The following NPFFR2 variants were observed in gnomAD, a reference collection of about 807,000 sequenced individuals.
NPFFR2 encodes G-protein coupled receptor 74.
A neutral mutation model predicts 13.1 loss-of-function variants in NPFFR2; 15 were observed. The ratio of observed to expected loss-of-function variants is 1.15; its 90% CI spans 0.77 to 1.76. The LOEUF (loss-of-function observed/expected upper bound fraction) is 1.76. Among genes scored for constraint, NPFFR2 ranks in the 40% most tolerant of loss-of-function variants. NPFFR2 has a pLI of 0.00. For synonymous variants in NPFFR2, 190 were observed against 175.7 expected, an observed-to-expected ratio of 1.08 and a Z score of -0.65; for missense variants, 572 against 503.5, an observed-to-expected ratio of 1.14 and a Z score of -1.30.
intron 1 of NPFFR2, among the ~76,000 whole-genome samples, chr4:72,057,328 A>G (rs777066429): frequency 6.6e-6 from 1 of 151,898 alleles, no homozygotes; most frequent in Non-Finnish European, 1.5e-5. Context: ...AACAATAGAA[A>G]TTTATTTTCT....
chr4:72,124,671 G>A (rs1359644268), intron 1 of NPFFR2, among the ~76,000 whole-genome samples: 1 of 152,078 alleles, frequency 6.6e-6, no homozygotes, highest in Non-Finnish European at 1.5e-5. Context: ...CAAGAAATGG[G>A]GAAAGGATTC....
chr4:72,090,428 T>A (rs1461018991), intron 1 of NPFFR2, among the ~76,000 whole-genome samples: 1 of 152,090 alleles, frequency 6.6e-6, no homozygotes, highest in Non-Finnish European at 1.5e-5. Flanking sequence ...TTGTCATTTT[T>A]ACAGTACTGA....
chr4:72,074,627 A>G (rs752019255), intron 1 of NPFFR2, among the ~76,000 whole-genome samples: 9 of 152,082 alleles, frequency 5.9e-5, no homozygotes, highest in Non-Finnish European at 1.2e-4. Flanking sequence ...AAGGGGGACT[A>G]CTATATAGAA....
chr4:72,106,289 C>T (rs373644753), intron 1 of NPFFR2, among the ~76,000 whole-genome samples: 7 of 152,062 alleles, frequency 4.6e-5, no homozygotes, highest in African/African-American at 9.6e-5. Context: ...TGGTGTCACT[C>T]GCCAACTGAC....
chr4:72,106,521 A>T (rs1272275855), intron 1 of NPFFR2, among the ~76,000 whole-genome samples: 11 of 151,854 alleles, frequency 7.2e-5, no homozygotes, highest in Non-Finnish European at 4.4e-5. Flanking sequence ...ATCTCCAAAG[A>T]GCTATAATAA....
At chr4:72,067,858 A>G (rs1330180358) in intron 1 of NPFFR2, among the ~76,000 whole-genome samples, 1 of 152,146 alleles carries the variant, frequency 6.6e-6, no homozygotes, top group Non-Finnish European at 1.5e-5. Flanking sequence ...TCCATCTGAG[A>G]CTTCATTAGA....
intron 1 of NPFFR2, among the ~76,000 whole-genome samples, chr4:72,070,574 G>GTGTGT (rs1375276375): frequency 3.8e-4 from 1 of 2,610 alleles, no homozygotes; most frequent in Non-Finnish European, 1.7e-3. Flanking sequence ...GGGGGGGGGT[G>GTGTGT]GGGCTCTGGT....
In NPFFR2 at chr4:72,071,236, A is replaced by G. The variant is rs563244736; in HGVS notation, c.-8+39036A>G. The stretch of plus-strand genomic sequence containing the variant: ...TTAAAAACAAGCATGAATATCGTAA[A>G]TGTCAATGCTGTATGGTAAATATCA... On this transcript the variant is annotated intron_variant, in intron 1 of 3. Coordinates refer to ENST00000308744, the MANE Select transcript of NPFFR2 (RefSeq NM_004885.3). 6.6e-5 allele frequency among the ~76,000 whole-genome samples: 10 copies of G among 152,288 alleles called. 1 individual carries two copies. The South Asian group carries it at 2.1e-3, about 32-fold the overall frequency.
chr4:72,134,494 GTATAAT>G (rs57636846), intron 2 of NPFFR2, among the ~76,000 whole-genome samples: 5,399 of 145,370 alleles, frequency 0.037, 321 homozygotes, highest in African/African-American at 0.14. Flanking sequence ...CATTCTCCTG[GTATAAT>G]TATATCACAA....
intron 1 of NPFFR2, among the ~76,000 whole-genome samples, chr4:72,105,905 G>A (rs1238324587): frequency 2.6e-5 from 4 of 151,808 alleles, no homozygotes; most frequent in East Asian, 3.9e-4. Flanking sequence ...TAACACTATC[G>A]AACTACCCTG....
rs73824720 is a variant in NPFFR2 at position 72,065,483 on chromosome 4, A to G, written c.-8+33283A>G. Among the ~76,000 whole-genome samples, 328 of 152,346 alleles carry G rather than the reference A, an allele frequency of 2.2e-3. 4 individuals are homozygous for G. Among genetic ancestry groups the G allele is most frequent in the African/African-American group, 7.3e-3 (302 of 41,584 alleles). ...AAGATTGAAAGGAAAATGAAATTCC[A>G]TTATTAATGTTTTAAAAGAAACTCC... On this transcript the variant is annotated intron_variant, in intron 1 of 3. Coordinates refer to ENST00000308744, the MANE Select transcript of NPFFR2 (RefSeq NM_004885.3).
rs113084785 is a variant in NPFFR2 at position 72,134,075 on chromosome 4, G to A, written c.329-3965G>A. ...AGGCCAGGAATTCAAGACCAGCCTG[G>A]CCAACATGGTGAAACCCCATCTCTA... On this transcript the variant is annotated intron_variant, in intron 2 of 3. Coordinates refer to ENST00000308744, the MANE Select transcript of NPFFR2 (RefSeq NM_004885.3). Among the ~76,000 whole-genome samples, 780 of 152,198 alleles carry A rather than the reference G, an allele frequency of 5.1e-3. 3 individuals are homozygous for A. The highest frequency in any genetic ancestry group is 0.018 in the African/African-American group (743 of 41,542).
chr4:72,141,940 C>T (rs531840093), intron 3 of NPFFR2, among the ~76,000 whole-genome samples: 10 of 152,260 alleles, frequency 6.6e-5, no homozygotes, highest in African/African-American at 2.2e-4. Flanking sequence ...AATCTGGGTG[C>T]TCCTGTATTG....
chr4:72,042,641 T>TG (rs1465923811), intron 1 of NPFFR2, among the ~76,000 whole-genome samples: 20 of 152,142 alleles, frequency 1.3e-4, no homozygotes, highest in Non-Finnish European at 2.6e-4. Context: ...GGAGCAAAGG[T>TG]AACTCTTGTA....
chr4:72,141,014 C>T (rs1722598705), intron 3 of NPFFR2, among the ~76,000 whole-genome samples: 1 of 152,048 alleles, frequency 6.6e-6, no homozygotes, highest in Non-Finnish European at 1.5e-5. Context: ...AGGAATTTAT[C>T]CATTTCTTTT....
At chr4:72,127,890 G>A (rs1290004867) in intron 1 of NPFFR2, among the ~76,000 whole-genome samples, 1 of 151,780 alleles carries the variant, frequency 6.6e-6, no homozygotes, top group African/African-American at 2.4e-5. Context: ...GACCAGACTG[G>A]GCAACGTGGC....
intron 1 of NPFFR2, among the ~76,000 whole-genome samples, chr4:72,107,792 T>C (rs60569867): frequency 0.034 from 5,204 of 152,070 alleles, 286 homozygotes; most frequent in African/African-American, 0.12. Context: ...GAAAATAATA[T>C]TATTTTCCTC....
At chr4:72,089,815 T>C (rs1720866912) in intron 1 of NPFFR2, among the ~76,000 whole-genome samples, 1 of 152,310 alleles carries the variant, frequency 6.6e-6, no homozygotes, top group Admixed American at 6.5e-5. Flanking sequence ...CAGAAGTTTT[T>C]TTACTTTAAT....
At chr4:72,122,330 AT>A (rs1213032639) in intron 1 of NPFFR2, among the ~76,000 whole-genome samples, 2 of 152,100 alleles carry the variant, frequency 1.3e-5, no homozygotes, top group African/African-American at 4.8e-5. Flanking sequence ...CACTGTCAAT[AT>A]TAGACAGACT....
Sources: gnomAD v4.1 joint callset for allele counts (sites outside exome capture counted in the v4.1 genomes callset) on GRCh38, gnomAD v4.1.1 for gene constraint, MANE v1.5 for transcripts, NCBI Gene and HGNC (gene_info 2026-07-23, HGNC 2026-07-21) for gene names.